PRSS55: variants seen among roughly 807,000 people sequenced by gnomAD.
PRSS55 encodes the protein probable serine protease UNQ9391/PRO34284.
A neutral mutation model predicts 23.6 loss-of-function variants in PRSS55; 41 were observed. The observed-to-expected ratio is 1.74, with a 90% CI of 1.35 to 2.26. The LOEUF is 2.26. PRSS55 is among the 30% of genes most tolerant of loss of function. PRSS55 has a pLI of 0.00. For missense variants in PRSS55, 669 were observed against 439.1 expected (o/e 1.52, Z -4.68); for synonymous variants, 262 against 175.5 (o/e 1.49, Z -3.90).
intron 4 of PRSS55, among the ~76,000 whole-genome samples, chr8:10,548,324 G>C (rs1423422098): frequency 4.6e-5 from 7 of 152,146 alleles, no homozygotes; most frequent in Admixed American, 4.6e-4. Context: ...ACCTGGGGCA[G>C]CCAGGCAGGT....
chr8:10,530,873 T>G lies in PRSS55; in HGVS notation c.348-422T>G, dbSNP rs930043693. Among the ~76,000 whole-genome samples the G allele has an allele frequency of 2.3e-4, 35 of 152,276 alleles. 1 individual carries two copies. The highest frequency in any genetic ancestry group is 7.9e-4 in the African/African-American group (33 of 41,552). The stretch of plus-strand genomic sequence containing the variant: ...TCAGTGGCAGGTCTAGACTAACTTC[T>G]GGTCCTGAGTTTCTAAAGTGCTGGT... On this transcript the variant is annotated intron_variant, in intron 2 of 4. Transcript: ENST00000328655.
At chr8:10,532,271 G>A (rs546326285) in intron 3 of PRSS55, among the ~76,000 whole-genome samples, 2 of 152,254 alleles carry the variant, frequency 1.3e-5, no homozygotes, top group African/African-American at 4.8e-5. Flanking sequence ...TCCTGGAAAG[G>A]TAGAAGAAGG....
At chr8:10,528,477 T>C (rs1324295851) in intron 1 of PRSS55, among the ~76,000 whole-genome samples, 2 of 152,206 alleles carry the variant, frequency 1.3e-5, no homozygotes, top group Non-Finnish European at 2.9e-5. Flanking sequence ...TCAGCAAATA[T>C]TCACGGAGCA....
chr8:10,532,372 A>C (rs1262643885), intron 3 of PRSS55, among the ~76,000 whole-genome samples: 1 of 152,152 alleles, frequency 6.6e-6, no homozygotes, highest in African/African-American at 2.4e-5. Context: ...AATGAGATGG[A>C]GAGGAATTCA....
chr8:10,541,139 A>T (rs192501017), downstream of PRSS55: 9 of 152,470 alleles, frequency 5.9e-5, no homozygotes, highest in African/African-American at 2.2e-4. Context: ...TGCTGGAGTT[A>T]TCAGGAACAA....
At chr8:10,533,186 G>T in intron 4 of PRSS55, 138 bp downstream of exon 4, 1 of 917,460 alleles carries the variant, frequency 1.1e-6, no homozygotes. Flanking sequence ...GCAGCCATGA[G>T]AATGAGTATG....
chr8:10,545,057 G>T (rs1224350618), intron 4 of PRSS55: 3 of 980,278 alleles, frequency 3.1e-6, no homozygotes, highest in Non-Finnish European at 2.4e-6. Flanking sequence ...CAGACCATCT[G>T]TGAGGAAAAA....
intron 1 of PRSS55, among the ~76,000 whole-genome samples, chr8:10,529,216 G>C (rs1812152851): frequency 6.6e-6 from 1 of 152,234 alleles, no homozygotes; most frequent in Non-Finnish European, 1.5e-5. Flanking sequence ...TCCTGGACGA[G>C]AGCAGAAACA....
intron 4 of PRSS55, among the ~76,000 whole-genome samples, chr8:10,549,046 A>G (rs1335368471): frequency 6.6e-6 from 1 of 152,206 alleles, no homozygotes; most frequent in Non-Finnish European, 1.5e-5. Context: ...AATAGATGCA[A>G]CCAAGGCTAG....
chr8:10,529,624 C>A lies in PRSS55; in HGVS notation c.272C>A (p.Pro91His), dbSNP rs753299688. ...GTGAGTATTCAGGCAAGAAGTGAACCTTTCTGTGGCGGCTCCATCCTCAAC... is the reference window on the plus strand; with the variant it reads ...GTGAGTATTCAGGCAAGAAGTGAACATTTCTGTGGCGGCTCCATCCTCAAC... Reference protein sequence around the residue: ...WQVSIQARSEPFCGGSILNKW... With the variant: ...WQVSIQARSEHFCGGSILNKW... The change falls in exon 2 of 5, where the codon CCT becomes CAT. Residue 91 changes from proline (P) to histidine (H), a missense_variant. By Grantham distance (77) the Pro-to-His change is moderately conservative. Coordinates refer to ENST00000328655, the MANE Select transcript of PRSS55 (RefSeq NM_198464.4). 1 of 1,614,154 alleles carries A rather than the reference C, an allele frequency of 6.2e-7. No individual in the cohort carries two copies. The highest frequency in any genetic ancestry group is 8.5e-7 in the Non-Finnish European group (1 of 1,180,032).
chr8:10,527,166 C>G (rs1270960113), intron 1 of PRSS55, among the ~76,000 whole-genome samples: 1 of 152,228 alleles, frequency 6.6e-6, no homozygotes, highest in East Asian at 1.9e-4. Context: ...ATGTCACAAA[C>G]ATTTTCCTGT....
chr8:10,538,063 G>T (rs1812516822), intron 4 of PRSS55, among the ~76,000 whole-genome samples: 1 of 152,176 alleles, frequency 6.6e-6, no homozygotes, highest in Admixed American at 6.5e-5. Flanking sequence ...AGGAGACCCA[G>T]TTCTTAGCCC....
chr8:10,533,485 G>A (rs533470939), intron 4 of PRSS55, among the ~76,000 whole-genome samples: 31 of 152,326 alleles, frequency 2.0e-4, no homozygotes, highest in East Asian at 1.5e-3. Flanking sequence ...TGGACAGGCA[G>A]TGGATAAACA....
chr8:10,537,089 A>G (rs1410462735), intron 4 of PRSS55, among the ~76,000 whole-genome samples: 1 of 152,240 alleles, frequency 6.6e-6, no homozygotes, highest in Non-Finnish European at 1.5e-5. Context: ...AAAATTAAAA[A>G]TAGAACTACC....
At chr8:10,536,677 C>G (rs534376565) in intron 4 of PRSS55, among the ~76,000 whole-genome samples, 3 of 137,648 alleles carry the variant, frequency 2.2e-5, no homozygotes, top group African/African-American at 8.1e-5. Context: ...TGGAATACTA[C>G]GAAGCCATAA....
exon 5 of PRSS55, chr8:10,554,115 A>G (rs1813010557): frequency 1.1e-6 from 1 of 879,032 alleles, no homozygotes; most frequent in East Asian, 2.7e-5. Flanking sequence ...AAAATCTTTG[A>G]GGGTGTTTTC....
At position 10,545,877 on chromosome 8, in the gene PRSS55, C is replaced by T. The variant is rs545087016; in HGVS notation, c.742-8066C>T. The stretch of plus-strand genomic sequence containing the variant: ...TCTGCATTTTTACATCAGAACCGGC[C>T]CAGTAAGAGGCATCTTCTATCTTTA... On this transcript the variant is annotated intron_variant, in intron 4 of 4. Transcript: ENST00000522210. 3.3e-5 allele frequency among the ~76,000 whole-genome samples: 5 copies of T among 152,262 alleles called. No individual in the cohort carries two copies. The South Asian group carries it at 6.2e-4, about 19-fold the overall frequency.
At chr8:10,533,103 C>G in intron 4 of PRSS55, 55 bp downstream of exon 4, 2 of 1,577,208 alleles carry the variant, frequency 1.3e-6, no homozygotes, top group Non-Finnish European at 1.7e-6. Flanking sequence ...TGGGAACTGC[C>G]AGTGCAAGGG....
chr8:10,529,663 T>C lies in PRSS55; in HGVS notation c.311T>C (p.Leu104Pro). Reference protein sequence around the residue: ...GGSILNKWWILTAAHCLYSEE... With the variant: ...GGSILNKWWIPTAAHCLYSEE... ...TCCATCCTCAACAAGTGGTGGATTC[T>C]CACTGCGGCTCACTGCTTATATTCC... Residue 104 changes from leucine to proline, a missense_variant, in exon 2 of 5, where the codon CTC (leucine) becomes CCC (proline). Transcript: ENST00000328655. 4 of 1,614,168 alleles carry C rather than the reference T, an allele frequency of 2.5e-6. 1 individual carries two copies. The highest frequency in any genetic ancestry group is 2.2e-5 in the South Asian group (2 of 91,078).
Sources: gnomAD v4.1 joint callset for allele counts (sites outside exome capture counted in the v4.1 genomes callset) on GRCh38, gnomAD v4.1.1 for gene constraint, MANE v1.5 for transcripts, NCBI Gene and HGNC (gene_info 2026-07-23, HGNC 2026-07-21) for gene names.